The following WASF2 variants were observed in gnomAD, a reference collection of about 807,000 sequenced individuals.
WASF2 encodes the protein WASP family member 2.
In WASF2, 14 loss-of-function variants were observed where a neutral mutation model predicts 45.0. The observed-to-expected ratio is 0.31, with a 90% CI of 0.21 to 0.49. WASF2 has a LOEUF of 0.49. WASF2 is among the 20% of genes least tolerant of loss of function. The pLI is 0.99. For synonymous variants in WASF2, 200 were observed against 236.3 expected (o/e 0.85, Z 1.41); for missense variants, 439 against 636.1 (o/e 0.69, Z 3.33).
At chr1:27,418,482 T>A (rs982864981) in intron 3 of WASF2, 60 bp from the exon 4 acceptor site, 1 of 1,607,236 alleles carries the variant, frequency 6.2e-7, no homozygotes, top group Non-Finnish European at 8.5e-7. Flanking sequence ...AAACACTGAG[T>A]CACACCAGTC....
chr1:27,458,647 G>T (rs2148129828), intron 1 of WASF2, among the ~76,000 whole-genome samples: 1 of 151,374 alleles, frequency 6.6e-6, no homozygotes, highest in African/African-American at 2.4e-5. Context: ...ACAAAAATTA[G>T]TTGGGCGTGG....
At position 27,428,864 on chromosome 1, in the gene WASF2, C is replaced by G; in HGVS notation, c.27G>C (p.Glu9Asp). 5.0e-6 allele frequency: 8 copies of G among 1,614,130 alleles called. No homozygotes were observed. The highest frequency in any genetic ancestry group is 5.9e-6 in the Non-Finnish European group (7 of 1,180,032). Residue 9 changes from glutamate (E) to aspartate (D), a missense_variant, in exon 2 of 9, where the codon GAG (glutamate) becomes GAC (aspartate). Around this residue, in one of 5 missense-constraint regions of WASF2, gnomAD observed 16 missense variants for 21.1 expected, o/e 0.76. Transcript: ENST00000618852. The stretch of plus-strand genomic sequence containing the variant: ...ACGTCTGACGGCACAGGTGCCTTGG[C>G]TCGATGTTCCTCGTTACTAACGGCA... MPLVTRNI[E>D]PRHLCRQTLP...
At chr1:27,411,346 C>T (rs764020923) in intron 7 of WASF2, among the ~76,000 whole-genome samples, 13 of 152,252 alleles carry the variant, frequency 8.5e-5, no homozygotes, top group Non-Finnish European at 1.6e-4. Flanking sequence ...TTCCACTGTA[C>T]ACCTCTGCCA....
intron 7 of WASF2, 128 bp downstream of exon 7, chr1:27,412,444 G>A (rs955759908): frequency 1.4e-5 from 18 of 1,296,272 alleles, no homozygotes; most frequent in Admixed American, 6.4e-5. Context: ...TTGGCCTCAC[G>A]AGATCCTCCC....
At chr1:27,438,577 G>A (rs7532531) in intron 1 of WASF2, among the ~76,000 whole-genome samples, 8 of 152,226 alleles carry the variant, frequency 5.3e-5, no homozygotes, top group Non-Finnish European at 1.2e-4. Context: ...GGAAAAGATG[G>A]TTGCAGAGCA....
chr1:27,448,323 G>GT lies in WASF2; in HGVS notation c.-43-19391dup, dbSNP rs1191759084. Among the ~76,000 whole-genome samples, 3 of 152,288 alleles carry GT rather than the reference G, an allele frequency of 2.0e-5. No homozygotes were observed. The East Asian group carries it at 5.8e-4, about 29-fold the overall frequency. ...CCTTCCAAACTGCCTTAAAAGCAGT[G>GT]TATCATCCATTCCACAATGTCTGAG... On this transcript the variant is annotated intron_variant, in intron 1 of 8. Coordinates refer to ENST00000618852, the MANE Select transcript of WASF2 (RefSeq NM_006990.5).
chr1:27,441,335 A>T (rs2148119005), intron 1 of WASF2, among the ~76,000 whole-genome samples: 1 of 151,972 alleles, frequency 6.6e-6, no homozygotes, highest in South Asian at 2.1e-4. Flanking sequence ...TCTATAAAAA[A>T]TGAAAAACGT....
chr1:27,465,823 G>A (rs2017605395), intron 1 of WASF2, among the ~76,000 whole-genome samples: 2 of 152,164 alleles, frequency 1.3e-5, no homozygotes, highest in South Asian at 4.1e-4. Context: ...AGGATCCAGA[G>A]CTTAGGGGAA....
chr1:27,482,136 G>C (rs1396394188), intron 1 of WASF2, among the ~76,000 whole-genome samples: 1 of 152,048 alleles, frequency 6.6e-6, no homozygotes, highest in African/African-American at 2.4e-5. Flanking sequence ...AAACAGAACA[G>C]GAAAAAACAC....
chr1:27,446,071 T>C (rs997874863), intron 1 of WASF2, among the ~76,000 whole-genome samples: 1 of 152,150 alleles, frequency 6.6e-6, no homozygotes, highest in African/African-American at 2.4e-5. Context: ...ATAAGTCTTT[T>C]TTAATTATTA....
At position 27,410,096 on chromosome 1, in the gene WASF2, G is replaced by A; in HGVS notation, c.935C>T (p.Pro312Leu). 6.2e-7 allele frequency: 1 copy of A among 1,613,606 alleles called. No individual in the cohort carries two copies. Among genetic ancestry groups the A allele is most frequent in the Non-Finnish European group, 8.5e-7 (1 of 1,179,622 alleles). ...PAPPLGSPPG[P>L]KPGFAPPPAP... is the part of the protein sequence containing the mutation. ...AGGTGGTGGAGCAAACCCGGGTTTA[G>A]GGCCTGGTGGAGAGCCTAGAGGAGG... is the stretch of plus-strand genomic sequence containing the variant. The change falls in exon 8 of 9, where the codon CCT (proline) becomes CTT (leucine). Residue 312 changes from proline (P) to leucine (L), a missense_variant. Pro to Leu is a moderately conservative substitution (Grantham distance 98). Transcript: ENST00000618852. This position sits in a 1 kb window ranked among gnomAD's most constrained non-coding sequence, Gnocchi z 4.2.
chr1:27,488,540 T>G (rs1218403953), intron 1 of WASF2, among the ~76,000 whole-genome samples: 1 of 152,158 alleles, frequency 6.6e-6, no homozygotes, highest in Non-Finnish European at 1.5e-5. Flanking sequence ...CTGCTGAACT[T>G]TTTCTACAGG....
In WASF2 at chr1:27,409,994, G is replaced by A. The variant is rs148128361; in HGVS notation, c.1037C>T (p.Thr346Met). Residue 346 changes from threonine (T) to methionine (M), a missense_variant, in exon 8 of 9, where the codon ACG becomes ATG. Around this residue, in one of 5 missense-constraint regions of WASF2, gnomAD observed 286 missense variants for 373.5 expected, o/e 0.77. Coordinates refer to ENST00000618852, the MANE Select transcript of WASF2 (RefSeq NM_006990.5). Reference protein sequence around the residue: ...PPPVGFGSPGTPPPPSPPSFP... With the variant: ...PPPVGFGSPGMPPPPSPPSFP... ...AGATGGGGGTGAGGGTGGTGGAGGCGTCCCTGGAGACCCAAATCCTACAGG... is the reference window on the plus strand; with the variant it reads ...AGATGGGGGTGAGGGTGGTGGAGGCATCCCTGGAGACCCAAATCCTACAGG... The A allele has an allele frequency of 6.6e-4, 1,065 of 1,613,732 alleles. 6 individuals carry two copies. In the African/African-American group the frequency reaches 9.0e-3, roughly 14 times the overall value.
intron 1 of WASF2, among the ~76,000 whole-genome samples, chr1:27,478,261 T>A (rs1257219147): frequency 1.6e-5 from 2 of 128,758 alleles, no homozygotes; most frequent in Admixed American, 8.3e-5. Flanking sequence ...ATAAATTTCA[T>A]GCAAATAGCA....
chr1:27,421,487 G>A (rs1040172861), intron 2 of WASF2, among the ~76,000 whole-genome samples: 3 of 152,154 alleles, frequency 2.0e-5, no homozygotes, highest in African/African-American at 4.8e-5. Context: ...AGACCAGCAT[G>A]GGCAATATGG....
chr1:27,412,807 T>C, intron 6 of WASF2, 80 bp from the exon 7 acceptor site: 1 of 1,534,754 alleles, frequency 6.5e-7, no homozygotes, highest in Non-Finnish European at 9.0e-7. Context: ...ACTACAAAAA[T>C]GCATTTGATA....
chr1:27,428,681 G>A, intron 2 of WASF2, 80 bp downstream of exon 2: 2 of 1,606,510 alleles, frequency 1.2e-6, no homozygotes, highest in East Asian at 4.5e-5. Flanking sequence ...GGAGAAATAG[G>A]AACGCGGGAG....
At chr1:27,454,969 C>T (rs565479883) in intron 1 of WASF2, among the ~76,000 whole-genome samples, 3 of 152,156 alleles carry the variant, frequency 2.0e-5, no homozygotes, top group Admixed American at 6.5e-5. Flanking sequence ...ATGTAAAGTT[C>T]TTTAGGGTAA....
At chr1:27,469,214 C>T (rs1043303352) in intron 1 of WASF2, among the ~76,000 whole-genome samples, 11 of 151,924 alleles carry the variant, frequency 7.2e-5, no homozygotes, top group East Asian at 3.9e-4. Context: ...GATGAGGGAA[C>T]GAATAGGGGT....
Sources: gnomAD v4.1 joint callset for allele counts (sites outside exome capture counted in the v4.1 genomes callset) on GRCh38, gnomAD v4.1.1 for gene constraint, gnomAD v4.1.1 regional missense constraint, Gnocchi (gnomAD v3.1) non-coding constraint, MANE v1.5 for transcripts, NCBI Gene and HGNC (gene_info 2026-07-23, HGNC 2026-07-21) for gene names.